The following RBPJ variants were observed in gnomAD, a reference collection of about 807,000 sequenced individuals.
RBPJ encodes recombining binding protein suppressor of hairless.
A neutral mutation model predicts 67.8 loss-of-function variants in RBPJ; 9 were observed. That is an observed-to-expected ratio of 0.13 (90% CI 0.08 to 0.23). The LOEUF (loss-of-function observed/expected upper bound fraction) is 0.23, where lower values mean the gene tolerates loss of function less well. Among genes scored for constraint, RBPJ ranks in the 10% least tolerant of loss-of-function variants. The pLI is 1.00. For synonymous variants in RBPJ, 198 were observed against 203.3 expected (o/e 0.97, Z 0.22); for missense variants, 305 against 595.6 (o/e 0.51, Z 5.08).
At chr4:26,294,397 G>A (rs1410624010) in intron 1 of RBPJ, among the ~76,000 whole-genome samples, 1 of 152,106 alleles carries the variant, frequency 6.6e-6, no homozygotes, top group Non-Finnish European at 1.5e-5. Flanking sequence ...ACGCCCGGCT[G>A]GGAAGTTTTA....
chr4:26,122,315 TCCC>T, the RBPJ span, among the ~76,000 whole-genome samples: 1 of 152,172 alleles, frequency 6.6e-6, no homozygotes, highest in South Asian at 2.1e-4. Context: ...CAAATATTAT[TCCC>T]ATTAAGTTGA....
intron 1 of RBPJ, among the ~76,000 whole-genome samples, chr4:26,184,764 C>G (rs562585284): frequency 6.6e-6 from 1 of 152,258 alleles, no homozygotes; most frequent in East Asian, 1.9e-4. Context: ...ATGGAAAAGT[C>G]CCATAGTTGC....
At position 26,264,532 on chromosome 4, in the gene RBPJ, A is replaced by G. The variant is rs185919140; in HGVS notation, c.-166-97914A>G. On this transcript the variant is annotated intron_variant, in intron 1 of 4. Coordinates refer to the RBPJ transcript ENST00000512351. This position sits in a 1 kb window ranked among gnomAD's most constrained non-coding sequence, Gnocchi z 4.1. ...TCAATGGTCCTTTGTTGCCCTCACA[A>G]TTTCTTATCTTGCCATGTAATTCCC... is the stretch of plus-strand genomic sequence containing the variant. Among the ~76,000 whole-genome samples the G allele has an allele frequency of 5.3e-5, 8 of 152,024 alleles. No homozygotes were observed. In the East Asian group the frequency reaches 1.5e-3, roughly 29 times the overall value.
upstream of RBPJ, chr4:26,319,776 G>A: frequency 2.5e-6 from 3 of 1,178,568 alleles, no homozygotes; most frequent in Non-Finnish European, 3.8e-6. Flanking sequence ...AACAGGTTTC[G>A]GGCGGCGAAT....
chr4:26,120,181 C>T, the RBPJ span, among the ~76,000 whole-genome samples: 23 of 152,258 alleles, frequency 1.5e-4, no homozygotes, highest in African/African-American at 4.1e-4. Context: ...ACATAGACTC[C>T]GTCTCTCAAA....
rs182028157 is a variant in RBPJ, at chr4:26,430,211, A to G, written c.1044+158A>G. The G allele has an allele frequency of 1.0e-6, 1 of 960,476 alleles. No homozygotes were observed. Among genetic ancestry groups the G allele is most frequent in the Admixed American group, 2.4e-5 (1 of 41,248 alleles). 59.5% of individuals were successfully genotyped at this position (960,476 alleles called of 1,614,324 possible). ...TTGTTGATTTAAAGAAAAAAAAACAAAATTAGGAGGAGCGTACTTGCCAGA... is the reference window on the plus strand; with the variant it reads ...TTGTTGATTTAAAGAAAAAAAAACAGAATTAGGAGGAGCGTACTTGCCAGA... On this transcript the variant is annotated intron_variant, in intron 9 of 10. Coordinates refer to ENST00000355476, the MANE Select transcript of RBPJ (RefSeq NM_015874.6). This position sits in a 1 kb window ranked among gnomAD's most constrained non-coding sequence, Gnocchi z 4.1.
chr4:26,173,214 C>T (rs1003150738), intron 1 of RBPJ, among the ~76,000 whole-genome samples: 1 of 152,186 alleles, frequency 6.6e-6, no homozygotes, highest in Admixed American at 6.5e-5. Context: ...CGGCTCACTG[C>T]AACCTCCATC....
chr4:26,376,300 A>C (rs1449800472), intron 1 of RBPJ, among the ~76,000 whole-genome samples: 1 of 152,136 alleles, frequency 6.6e-6, no homozygotes, highest in African/African-American at 2.4e-5. Flanking sequence ...CCTTCCCCCC[A>C]GGTCCCTGGT....
chr4:26,184,341 G>A (rs768135498), intron 1 of RBPJ, among the ~76,000 whole-genome samples: 5 of 152,050 alleles, frequency 3.3e-5, no homozygotes, highest in Non-Finnish European at 5.9e-5. Context: ...ACTCAGCTCC[G>A]ACTGTAACAG....
upstream of RBPJ, among the ~76,000 whole-genome samples, chr4:26,317,014 A>G (rs1043753999): frequency 2.0e-5 from 3 of 151,286 alleles, no homozygotes; most frequent in Non-Finnish European, 4.4e-5. Flanking sequence ...CACCCCATTC[A>G]TTCTACAAAT....
At chr4:26,164,628 A>G (rs13150492) in intron 1 of RBPJ, among the ~76,000 whole-genome samples, 48,524 of 152,196 alleles carry the variant, frequency 0.32, 9,080 homozygotes, top group East Asian at 0.51. Context: ...ACTTGGATGC[A>G]GTTGTGATCA....
chr4:26,123,509 A>AT, the RBPJ span, among the ~76,000 whole-genome samples: 4 of 151,956 alleles, frequency 2.6e-5, no homozygotes, highest in Admixed American at 6.6e-5. Flanking sequence ...TTTATAAAGA[A>AT]TTTTTTTTCT....
At chr4:26,400,254 C>T (rs1199996320) in intron 2 of RBPJ, among the ~76,000 whole-genome samples, 1 of 152,178 alleles carries the variant, frequency 6.6e-6, no homozygotes, top group African/African-American at 2.4e-5. Context: ...CCATCTCACT[C>T]CATCCTCTTT....
At chr4:26,363,853 T>C (rs1577529070) in intron 1 of RBPJ, among the ~76,000 whole-genome samples, 1 of 152,228 alleles carries the variant, frequency 6.6e-6, no homozygotes, top group Admixed American at 6.5e-5. Flanking sequence ...TGGTTACTAG[T>C]ATAGTAATTC....
intron 5 of RBPJ, among the ~76,000 whole-genome samples, chr4:26,423,661 G>T (rs1302371553): frequency 6.6e-6 from 1 of 152,126 alleles, no homozygotes; most frequent in African/African-American, 2.4e-5. Flanking sequence ...CTTTAACTTT[G>T]TGTTTGTACT....
At chr4:26,221,429 G>T (rs972753301) in intron 1 of RBPJ, among the ~76,000 whole-genome samples, 2 of 152,114 alleles carry the variant, frequency 1.3e-5, no homozygotes, top group African/African-American at 4.8e-5. Flanking sequence ...AGTTTGCTGG[G>T]TCCATTTCTA....
the RBPJ span, among the ~76,000 whole-genome samples, chr4:26,126,864 C>A: frequency 1.3e-5 from 2 of 152,264 alleles, no homozygotes; most frequent in East Asian, 3.9e-4. Flanking sequence ...GTGGAAAAGC[C>A]TAAGAATTTA....
intron 1 of RBPJ, among the ~76,000 whole-genome samples, chr4:26,368,745 G>A (rs761157680): frequency 2.0e-5 from 3 of 152,188 alleles, no homozygotes; most frequent in Non-Finnish European, 4.4e-5. Context: ...TTAATCAAAT[G>A]TGCATGAAAT....
intron 1 of RBPJ, among the ~76,000 whole-genome samples, chr4:26,243,620 A>G (rs957615223): frequency 2.0e-5 from 3 of 152,248 alleles, no homozygotes; most frequent in African/African-American, 7.2e-5. Context: ...ATGCATGGGT[A>G]AAATATTCAT....
Sources: allele counts gnomAD v4.1 joint callset (sites outside exome capture counted in the v4.1 genomes callset), GRCh38; gene constraint gnomAD v4.1.1; non-coding constraint Gnocchi (gnomAD v3.1); transcripts MANE v1.5; gene names NCBI Gene and HGNC (gene_info 2026-07-23, HGNC 2026-07-21).